Variants in MTMR12 observed in about 807,000 individuals in gnomAD.
MTMR12 encodes myotubularin-related protein 12.
MTMR12 carries 33 observed loss-of-function variants against 96.7 expected under a neutral mutation model. The observed-to-expected ratio is 0.34, with a 90% CI of 0.26 to 0.46. The LOEUF (loss-of-function observed/expected upper bound fraction) is 0.46. Ranked by LOEUF, MTMR12 falls within the 20% of genes least tolerant of loss-of-function variation. The probability of loss-of-function intolerance (pLI) is 1.00; values close to 1 mark genes in which losing one functional copy is unlikely to be tolerated. For synonymous variants in MTMR12, 298 were observed against 327.2 expected (o/e 0.91, Z 0.96); for missense variants, 721 against 896.1 (o/e 0.80, Z 2.49).
chr5:32,242,815 G>A (rs932220235), intron 11 of MTMR12, among the ~76,000 whole-genome samples: 7 of 152,034 alleles, frequency 4.6e-5, no homozygotes, highest in East Asian at 1.9e-4. Context: ...ATTATGAGAC[G>A]TGTAGCAGGA....
At chr5:32,243,127 A>T (rs772891865) in intron 11 of MTMR12, among the ~76,000 whole-genome samples, 4 of 152,230 alleles carry the variant, frequency 2.6e-5, no homozygotes, top group Non-Finnish European at 5.9e-5. Context: ...GACATTAATC[A>T]TGGTTTTTAA....
intron 1 of MTMR12, among the ~76,000 whole-genome samples, chr5:32,287,045 T>C (rs114387587): frequency 1.4e-3 from 218 of 152,262 alleles, no homozygotes; most frequent in African/African-American, 5.1e-3. Flanking sequence ...TGGGAACACT[T>C]AGAAACACTG....
rs1751661430 is a variant in MTMR12, at chr5:32,312,888, G to A, written c.-50C>T. 4 of 1,482,934 alleles carry A rather than the reference G, an allele frequency of 2.7e-6. No individual in the cohort carries two copies. Among genetic ancestry groups the A allele is most frequent in the African/African-American group, 1.5e-5 (1 of 68,556 alleles). 91.9% of individuals were successfully genotyped at this position (1,482,934 alleles called of 1,614,324 possible). A position where few individuals can be genotyped will look rare whatever the true frequency, so the allele number is the denominator to read the frequency against. On this transcript the variant is annotated 5_prime_UTR_variant, in exon 1 of 16. Transcript: ENST00000382142. The surrounding 1 kb of genome is among the most constrained non-coding windows in gnomAD (Gnocchi z 5.0). The stretch of plus-strand genomic sequence containing the variant: ...GCGCGGACGCAGAGGCGGCGGCTCG[G>A]GCTCCAGCTGGGGCAGCAGCGGCGG...
chr5:32,267,374 T>A (rs1371746778), intron 6 of MTMR12, among the ~76,000 whole-genome samples: 2 of 96,444 alleles, frequency 2.1e-5, no homozygotes, highest in African/African-American at 9.2e-5. Flanking sequence ...AGACTCCATC[T>A]CAGAAAAAAA....
At chr5:32,261,908 T>C (rs1355879442) in intron 7 of MTMR12, among the ~76,000 whole-genome samples, 1 of 152,036 alleles carries the variant, frequency 6.6e-6, no homozygotes, top group Non-Finnish European at 1.5e-5. Context: ...CTGTCTCTAC[T>C]AAAAACACAA....
At chr5:32,285,357 CAAA>C (rs35792337) in intron 1 of MTMR12, among the ~76,000 whole-genome samples, 10 of 109,682 alleles carry the variant, frequency 9.1e-5, no homozygotes, top group Admixed American at 1.9e-4. Flanking sequence ...GATTCCATTT[CAAA>C]AAAAAAAAAA....
chr5:32,256,553 TG>T (rs1384571622), intron 7 of MTMR12, among the ~76,000 whole-genome samples: 2 of 152,276 alleles, frequency 1.3e-5, no homozygotes, highest in East Asian at 3.9e-4. Flanking sequence ...CAAAATTACT[TG>T]GGGACATCAT....
intron 1 of MTMR12, among the ~76,000 whole-genome samples, chr5:32,278,923 C>T (rs1750169093): frequency 6.6e-6 from 1 of 150,752 alleles, no homozygotes; most frequent in South Asian, 2.1e-4. Flanking sequence ...ACTAAAAATA[C>T]AAAATTAGCC....
intron 8 of MTMR12, among the ~76,000 whole-genome samples, chr5:32,254,961 C>T (rs945506606): frequency 2.0e-5 from 3 of 152,216 alleles, no homozygotes; most frequent in Admixed American, 2.0e-4. Flanking sequence ...TACTGCCTAG[C>T]ACTGAAGAGA....
At chr5:32,247,779 G>A (rs527729745) in intron 10 of MTMR12, 41 of 985,366 alleles carry the variant, frequency 4.2e-5, no homozygotes, top group African/African-American at 3.5e-4. Flanking sequence ...GAGGGTGGCC[G>A]TGTGATCACT....
rs780252183 is a variant in MTMR12, at chr5:32,276,720, TC to T, written c.103del (p.Glu35LysfsTer2). On this transcript the variant is annotated frameshift_variant, in exon 2 of 16. Coordinates refer to ENST00000382142, the MANE Select transcript of MTMR12 (RefSeq NM_001040446.3). LOFTEE classifies it high-confidence loss of function. ...AAGAGTTACTTCCTTCTCTGTTACT[TC>T]CTTTTCGTTTGTGTGAATTTCCTAA... ...RPEEIHTNEKEVTEKEVTLHL... is the reference protein window; with the variant it reads ...RPEEIHTNEKXVTEKEVTLHL... The T allele has an allele frequency of 6.2e-7, 1 of 1,613,964 alleles. No homozygotes were observed.
chr5:32,258,284 G>A (rs1749220452), intron 7 of MTMR12, among the ~76,000 whole-genome samples: 1 of 152,190 alleles, frequency 6.6e-6, no homozygotes, highest in African/African-American at 2.4e-5. Flanking sequence ...AAGTTCTGAA[G>A]TACTTGAAAT....
chr5:32,255,645 T>C (rs200495476), intron 8 of MTMR12, 48 bp downstream of exon 8: 19 of 1,508,070 alleles, frequency 1.3e-5, no homozygotes, highest in Non-Finnish European at 1.7e-5. Context: ...TTTGCCAGGA[T>C]AGACCAATGC....
chr5:32,259,666 G>A (rs16889543), intron 7 of MTMR12, among the ~76,000 whole-genome samples: 7,106 of 152,242 alleles, frequency 0.047, 307 homozygotes, highest in African/African-American at 0.11. Context: ...TGCAGGAAGC[G>A]CTGTGAAGAG....
intron 2 of MTMR12, 28 bp from the exon 3 acceptor site, chr5:32,274,150 T>C (rs1336896958): frequency 1.2e-6 from 2 of 1,611,098 alleles, no homozygotes; most frequent in Non-Finnish European, 1.7e-6. Context: ...AGGTCCTCCT[T>C]AGAGTTCTCA....
intron 1 of MTMR12, among the ~76,000 whole-genome samples, chr5:32,276,966 A>G (rs1437726632): frequency 8.0e-6 from 1 of 125,124 alleles, no homozygotes; most frequent in Non-Finnish European, 1.6e-5. Flanking sequence ...GCTCACTGCA[A>G]CCTCTGCCTC....
chr5:32,274,549 C>G (rs1414256257), intron 2 of MTMR12, among the ~76,000 whole-genome samples: 18 of 152,146 alleles, frequency 1.2e-4, no homozygotes, highest in Admixed American at 1.2e-3. Flanking sequence ...AGATCCCAAG[C>G]CCACTTTCCT....
In MTMR12 at chr5:32,268,724, G is replaced by T. The variant is rs1259407263; in HGVS notation, c.560C>A (p.Ala187Glu). 2 of 1,613,658 alleles carry T rather than the reference G, an allele frequency of 1.2e-6. No homozygotes were observed. The highest frequency in any genetic ancestry group is 4.5e-5 in the East Asian group (2 of 44,858). Residue 187 changes from alanine (A) to glutamate (E), a missense_variant, in exon 6 of 16, where the codon GCG (alanine) becomes GAG (glutamate). Physicochemically the swap from Ala to Glu is moderately radical, Grantham distance 107. Coordinates refer to ENST00000382142, the MANE Select transcript of MTMR12 (RefSeq NM_001040446.3). ...LLKRLFLFSY[A>E]TAAQNNTVTD... ...ACCTGTATTGTTTTGTGCAGCAGTC[G>T]CATAGGAAAACAGAAATAATCGTTT...
chr5:32,271,466 G>A (rs1187629777), intron 4 of MTMR12, among the ~76,000 whole-genome samples: 4 of 152,158 alleles, frequency 2.6e-5, no homozygotes, highest in South Asian at 2.1e-4. Context: ...TGGCAGGAGA[G>A]GCTTGTTTAG....
Sources: allele counts gnomAD v4.1 joint callset (sites outside exome capture counted in the v4.1 genomes callset), GRCh38; gene constraint gnomAD v4.1.1; non-coding constraint Gnocchi (gnomAD v3.1); transcripts MANE v1.5; gene names NCBI Gene and HGNC (gene_info 2026-07-23, HGNC 2026-07-21).